Variants in FAM151B observed in about 807,000 individuals in gnomAD.
FAM151B encodes the protein family with sequence similarity 151 member B.
A neutral mutation model predicts 31.2 loss-of-function variants in FAM151B; 24 were observed. The ratio of observed to expected loss-of-function variants is 0.77; its 90% CI spans 0.56 to 1.08. The LOEUF is 1.08. Ranked by LOEUF, FAM151B falls within the 50% of genes least tolerant of loss-of-function variation. The pLI, the probability that FAM151B is intolerant of heterozygous loss-of-function variation, is 0.00. For synonymous variants in FAM151B, 105 were observed against 111.4 expected (o/e 0.94, Z 0.36); for missense variants, 293 against 328.6 (o/e 0.89, Z 0.84).
chr5:80,514,948 CT>C (rs999682529), intron 3 of FAM151B, among the ~76,000 whole-genome samples: 1 of 151,906 alleles, frequency 6.6e-6, no homozygotes, highest in Non-Finnish European at 1.5e-5. Flanking sequence ...AGATCATAAA[CT>C]TTTTTTTCGA....
At chr5:80,494,978 A>G (rs1379478997) in intron 1 of FAM151B, 1 of 152,230 alleles carries the variant, frequency 6.6e-6, no homozygotes, top group Non-Finnish European at 1.5e-5. Context: ...AGTGGAAGCC[A>G]GTGCTCATTA....
chr5:80,538,454 CTTTCTT>C (rs1561383612), intron 5 of FAM151B, among the ~76,000 whole-genome samples: 2,932 of 61,422 alleles, frequency 0.048, 82 homozygotes, highest in Middle Eastern at 0.063. Flanking sequence ...CTTTCTCTTT[CTTTCTT>C]TCTTTCTTTC....
intron 5 of FAM151B, among the ~76,000 whole-genome samples, chr5:80,524,055 GATT>G (rs1260655245): frequency 1.3e-5 from 2 of 152,074 alleles, no homozygotes; most frequent in East Asian, 1.9e-4. Context: ...ATTTTTTAAA[GATT>G]ATTATTGAAA....
chr5:80,512,105 C>A (rs1434863715), intron 2 of FAM151B, among the ~76,000 whole-genome samples: 1 of 152,002 alleles, frequency 6.6e-6, no homozygotes, highest in East Asian at 1.9e-4. Flanking sequence ...GTAACCATTG[C>A]GCTTATTGAT....
At chr5:80,535,202 T>C (rs1192521882) in intron 5 of FAM151B, among the ~76,000 whole-genome samples, 1 of 152,152 alleles carries the variant, frequency 6.6e-6, no homozygotes. Flanking sequence ...TTCAATGCAG[T>C]CCCTATCAAA....
chr5:80,514,860 G>A (rs770463094), intron 3 of FAM151B, among the ~76,000 whole-genome samples: 1 of 152,148 alleles, frequency 6.6e-6, no homozygotes, highest in African/African-American at 2.4e-5. Context: ...TATACCGTTA[G>A]TGAATGAATA....
At chr5:80,527,849 A>G (rs1050812174) in intron 5 of FAM151B, among the ~76,000 whole-genome samples, 7 of 152,226 alleles carry the variant, frequency 4.6e-5, no homozygotes, top group African/African-American at 1.4e-4. Context: ...TTTTTCTTCA[A>G]GAATACATTA....
chr5:80,497,798 TAG>T (rs1491096049), intron 1 of FAM151B, among the ~76,000 whole-genome samples: 1 of 81,762 alleles, frequency 1.2e-5, no homozygotes, highest in African/African-American at 5.1e-5. Context: ...TGTCGTGGGG[TAG>T]GGGGAGGGGG....
At position 80,542,118 on chromosome 5, in the gene FAM151B, A is replaced by G. The variant is rs1488822534; in HGVS notation, c.*286A>G. The G allele has an allele frequency of 3.3e-6, 1 of 301,322 alleles. No individual in the cohort carries two copies. Among genetic ancestry groups the G allele is most frequent in the South Asian group, 5.0e-5 (1 of 19,874 alleles). The allele number at this position is 301,322 out of a possible 1,614,324, so 18.7% of individuals were successfully genotyped here. A position where few individuals can be genotyped will look rare whatever the true frequency, so the allele number is the denominator to read the frequency against. On this transcript the variant is annotated 3_prime_UTR_variant, in exon 6 of 6. Coordinates refer to ENST00000282226, the MANE Select transcript of FAM151B (RefSeq NM_205548.3). ...TAAAAATAGTTTTGATAAACTAAAG[A>G]TGATTGGCAGAATCCATATGTCATA...
chr5:80,511,062 A>G (rs1302377576), intron 2 of FAM151B: 1 of 152,200 alleles, frequency 6.6e-6, no homozygotes, highest in Non-Finnish European at 1.5e-5. Flanking sequence ...AAGATCGGAA[A>G]GTTTAATAGG....
At chr5:80,493,947 T>C (rs1233284449) in intron 1 of FAM151B, among the ~76,000 whole-genome samples, 1 of 152,200 alleles carries the variant, frequency 6.6e-6, no homozygotes, top group African/African-American at 2.4e-5. Flanking sequence ...GCTGGTTTTG[T>C]GGCTCGGGGT....
At chr5:80,502,531 G>A (rs903160386) in intron 2 of FAM151B, among the ~76,000 whole-genome samples, 2 of 152,034 alleles carry the variant, frequency 1.3e-5, no homozygotes, top group Non-Finnish European at 2.9e-5. Flanking sequence ...CAAGTCTTTG[G>A]TTTACTGATT....
rs1360611744 is a variant in FAM151B, at chr5:80,526,542, T to A, written c.671+4404T>A. On this transcript the variant is annotated intron_variant, in intron 5 of 5. Coordinates refer to ENST00000282226, the MANE Select transcript of FAM151B (RefSeq NM_205548.3). ...GGCTGAGATGGGGGAATCGCTTGAA[T>A]TTGGGAGATGGTGGTTGCAGTGAGC... Among the ~76,000 whole-genome samples, 4 of 151,952 alleles carry A rather than the reference T, an allele frequency of 2.6e-5. No homozygotes were observed. In the East Asian group the frequency reaches 7.8e-4, roughly 30 times the overall value.
At chr5:80,535,262 A>G (rs1745440593) in intron 5 of FAM151B, among the ~76,000 whole-genome samples, 1 of 152,224 alleles carries the variant, frequency 6.6e-6, no homozygotes, top group Admixed American at 6.5e-5. Context: ...TAAACTGTAT[A>G]TGGAACCACA....
intron 2 of FAM151B, among the ~76,000 whole-genome samples, chr5:80,504,587 C>T (rs1387534857): frequency 8.1e-6 from 1 of 124,222 alleles, no homozygotes; most frequent in Non-Finnish European, 1.6e-5. Context: ...GTGGCACGAT[C>T]TATGCTCACT....
chr5:80,513,589 C>T lies in FAM151B; in HGVS notation c.152-15C>T. On this transcript the variant is annotated splice_polypyrimidine_tract_variant and intron_variant, in intron 2 of 5. Coordinates refer to ENST00000282226, the MANE Select transcript of FAM151B (RefSeq NM_205548.3). ...TGTTTTCTTAGCATTAACTGAAGTTCTTTTATTTGGACAGGTACTGCTCAC... is the reference window on the plus strand; with the variant it reads ...TGTTTTCTTAGCATTAACTGAAGTTTTTTTATTTGGACAGGTACTGCTCAC... 1 of 1,602,678 alleles carries T rather than the reference C, an allele frequency of 6.2e-7. No individual in the cohort carries two copies. The highest frequency in any genetic ancestry group is 8.5e-7 in the Non-Finnish European group (1 of 1,176,570).
Position 80,542,316 on chromosome 5 carries a change from T to C in FAM151B, c.*484T>C, listed in dbSNP as rs1745933292. On this transcript the variant is annotated 3_prime_UTR_variant, in exon 6 of 6. Coordinates refer to ENST00000282226, the MANE Select transcript of FAM151B (RefSeq NM_205548.3). ...GGTCAGCAGCTGTCTCATATCAAGA[T>C]CTATTAATCCATTTCCTGAAACTGT... 1.3e-5 allele frequency: 2 copies of C among 153,232 alleles called. No homozygotes were observed. The highest frequency in any genetic ancestry group is 1.3e-4 in the Admixed American group (2 of 15,314). The allele number at this position is 153,232 out of a possible 1,614,324, so 9.5% of individuals were successfully genotyped here.
intron 1 of FAM151B, among the ~76,000 whole-genome samples, chr5:80,491,559 T>A (rs1743331835): frequency 6.6e-6 from 1 of 152,192 alleles, no homozygotes; most frequent in Non-Finnish European, 1.5e-5. Flanking sequence ...GCAATAGATC[T>A]TGGGAACTTA....
intron 5 of FAM151B, among the ~76,000 whole-genome samples, chr5:80,531,995 C>T (rs905202028): frequency 7.3e-5 from 11 of 151,054 alleles, no homozygotes; most frequent in Non-Finnish European, 1.3e-4. Flanking sequence ...CCCAAATGTC[C>T]ATCAATGATA....
Sources: allele counts gnomAD v4.1 joint callset (sites outside exome capture counted in the v4.1 genomes callset), GRCh38; gene constraint gnomAD v4.1.1; transcripts MANE v1.5; gene names NCBI Gene and HGNC (gene_info 2026-07-23, HGNC 2026-07-21).